The following REDIC1 variants were observed in gnomAD, a reference collection of about 807,000 sequenced individuals.
The protein encoded by REDIC1 is regulator of DNA class I crossover intermediates 1, also known as HEI10 Interacting Protein 1.
chr12:39,831,083 A>G, the REDIC1 span, among the ~76,000 whole-genome samples: 407 of 152,310 alleles, frequency 2.7e-3, 2 homozygotes, highest in Middle Eastern at 0.031. Flanking sequence ...ATTCTGGAGC[A>G]CTTTACAGAT....
chr12:39,893,343 AG>A, the REDIC1 span, among the ~76,000 whole-genome samples: 1 of 152,208 alleles, frequency 6.6e-6, no homozygotes, highest in Non-Finnish European at 1.5e-5. Context: ...TCTGTCGCCC[AG>A]GCTGGAGCAC....
the REDIC1 span, among the ~76,000 whole-genome samples, chr12:39,823,364 C>T: frequency 9.9e-5 from 15 of 152,034 alleles, no homozygotes; most frequent in African/African-American, 3.4e-4. Context: ...ACATGAGTAC[C>T]TTAAGATACT....
the REDIC1 span, among the ~76,000 whole-genome samples, chr12:39,637,634 T>C: frequency 6.6e-6 from 1 of 152,084 alleles, no homozygotes; most frequent in African/African-American, 2.4e-5. Context: ...GGAGAACATT[T>C]GCATAAAATC....
the REDIC1 span, among the ~76,000 whole-genome samples, chr12:39,716,036 AG>A: frequency 1.3e-5 from 2 of 151,948 alleles, no homozygotes; most frequent in Non-Finnish European, 2.9e-5. Flanking sequence ...TCTGTTACAG[AG>A]AGCATCAGTC....
At chr12:39,736,292 G>A in the REDIC1 span, among the ~76,000 whole-genome samples, 1 of 152,156 alleles carries the variant, frequency 6.6e-6, no homozygotes, top group South Asian at 2.1e-4. Flanking sequence ...CCTTTTCAAT[G>A]GGAAAGTCTG....
At chr12:39,761,872 C>G in the REDIC1 span, among the ~76,000 whole-genome samples, 3 of 152,104 alleles carry the variant, frequency 2.0e-5, no homozygotes, top group Admixed American at 6.6e-5. Flanking sequence ...TATATTTTAT[C>G]TTCATCATTA....
the REDIC1 span, among the ~76,000 whole-genome samples, chr12:39,682,396 G>A: frequency 6.6e-6 from 1 of 152,120 alleles, no homozygotes; most frequent in South Asian, 2.1e-4. Flanking sequence ...AAAACTGGCC[G>A]TAGATTATTT....
chr12:39,799,432 C>A, the REDIC1 span, among the ~76,000 whole-genome samples: 2 of 126,390 alleles, frequency 1.6e-5, no homozygotes, highest in South Asian at 5.4e-4. Flanking sequence ...TAATCTCAAC[C>A]ATTAGGATCC....
the REDIC1 span, among the ~76,000 whole-genome samples, chr12:39,700,401 C>A: frequency 2.0e-5 from 3 of 152,074 alleles, no homozygotes; most frequent in Non-Finnish European, 2.9e-5. Context: ...GAATAAAAAG[C>A]AACGAGCAAA....
At chr12:39,714,084 C>CGTATGTATACGTGTATATT in the REDIC1 span, among the ~76,000 whole-genome samples, 5 of 56,612 alleles carry the variant, frequency 8.8e-5, no homozygotes, top group Non-Finnish European at 1.9e-4. Flanking sequence ...TGTATATACA[C>CGTATGTATACGTGTATATT]ATATATGTAC....
the REDIC1 span, among the ~76,000 whole-genome samples, chr12:39,663,820 G>A: frequency 3.3e-5 from 5 of 151,462 alleles, no homozygotes; most frequent in African/African-American, 1.2e-4. Context: ...AAGTCACCAA[G>A]CAATTCTTGT....
At chr12:39,856,525 T>C in the REDIC1 span, among the ~76,000 whole-genome samples, 2 of 152,048 alleles carry the variant, frequency 1.3e-5, no homozygotes, top group Admixed American at 6.6e-5. Flanking sequence ...CATGCCACCA[T>C]GCCCAGCTAA....
chr12:39,629,360 A>G, the REDIC1 span, among the ~76,000 whole-genome samples: 1 of 152,216 alleles, frequency 6.6e-6, no homozygotes, highest in African/African-American at 2.4e-5. Flanking sequence ...GAATGAATGA[A>G]GCAAATTTAT....
At chr12:39,717,175 C>T in the REDIC1 span, among the ~76,000 whole-genome samples, 1 of 140,730 alleles carries the variant, frequency 7.1e-6, no homozygotes, top group Non-Finnish European at 1.5e-5. Flanking sequence ...CACACACACA[C>T]ATTATGTGTG....
chr12:39,898,472 C>T, the REDIC1 span, among the ~76,000 whole-genome samples: 4 of 150,058 alleles, frequency 2.7e-5, no homozygotes, highest in African/African-American at 9.7e-5. Context: ...CATATTCTGC[C>T]ACTCAGTAGT....
At chr12:39,815,857 C>T in the REDIC1 span, among the ~76,000 whole-genome samples, 1 of 152,082 alleles carries the variant, frequency 6.6e-6, no homozygotes. Flanking sequence ...ATCCAATTGT[C>T]AAATAAATAT....
the REDIC1 span, among the ~76,000 whole-genome samples, chr12:39,640,230 A>G: frequency 1.2e-3 from 187 of 151,934 alleles, no homozygotes; most frequent in Non-Finnish European, 2.2e-4. Context: ...CCCTTGTGAA[A>G]GAGGCTACGT....
At chr12:39,713,522 A>T in the REDIC1 span, among the ~76,000 whole-genome samples, 1 of 149,758 alleles carries the variant, frequency 6.7e-6, no homozygotes, top group East Asian at 1.9e-4. Context: ...ATGCGTGCAT[A>T]CATGTGTACA....
chr12:39,761,290 T>G, the REDIC1 span, among the ~76,000 whole-genome samples: 1 of 151,994 alleles, frequency 6.6e-6, no homozygotes, highest in East Asian at 1.9e-4. Context: ...TGTTGGCAGT[T>G]TATGATTCTG....
Sources: gnomAD v4.1 joint callset for allele counts (sites outside exome capture counted in the v4.1 genomes callset) on GRCh38, gnomAD v4.1.1 for gene constraint, MANE v1.5 for transcripts, NCBI Gene and HGNC (gene_info 2026-07-23, HGNC 2026-07-21) for gene names.